CTNNA3: variants seen among roughly 807,000 people sequenced by gnomAD.
The protein encoded by CTNNA3 is catenin alpha 3.
A neutral mutation model predicts 95.7 loss-of-function variants in CTNNA3; 76 were observed. The observed-to-expected ratio is 0.79, with a 90% CI of 0.66 to 0.96. The LOEUF (loss-of-function observed/expected upper bound fraction) is 0.96. Among genes scored for constraint, CTNNA3 ranks in the 40% least tolerant of loss-of-function variants. The pLI, the probability that CTNNA3 is intolerant of heterozygous loss-of-function variation, is 0.00. For missense variants in CTNNA3, 1,191 were observed against 1,089.8 expected, an observed-to-expected ratio of 1.09 and a Z score of -1.31; for synonymous variants, 431 against 374.4, an observed-to-expected ratio of 1.15 and a Z score of -1.74.
intron 1 of CTNNA3, among the ~76,000 whole-genome samples, chr10:67,682,736 A>G (rs1420983024): frequency 6.6e-6 from 1 of 152,246 alleles, no homozygotes; most frequent in Non-Finnish European, 1.5e-5. Flanking sequence ...AACGTATTCT[A>G]AGGATACACT....
chr10:65,969,796 A>C (rs575046225), intron 16 of CTNNA3, among the ~76,000 whole-genome samples: 1 of 152,282 alleles, frequency 6.6e-6, no homozygotes, highest in African/African-American at 2.4e-5. Context: ...AAACCTAAAA[A>C]TTAGTGACAT....
At chr10:66,640,094 G>A (rs1290020702) in intron 9 of CTNNA3, among the ~76,000 whole-genome samples, 3 of 152,144 alleles carry the variant, frequency 2.0e-5, no homozygotes, top group Non-Finnish European at 2.9e-5. Context: ...AAATACAAAA[G>A]AGTAAATACA....
At chr10:66,780,026 T>C (rs1168603006) in intron 7 of CTNNA3, among the ~76,000 whole-genome samples, 2 of 151,964 alleles carry the variant, frequency 1.3e-5, no homozygotes, top group African/African-American at 2.4e-5. Flanking sequence ...ACAGGATATA[T>C]AAAAGTCAGC....
At chr10:66,976,545 A>G (rs149000779) in intron 7 of CTNNA3, among the ~76,000 whole-genome samples, 8 of 152,288 alleles carry the variant, frequency 5.3e-5, no homozygotes, top group Non-Finnish European at 1.0e-4. Flanking sequence ...TATAACTGTA[A>G]TGACATCATC....
rs1786233760 is a variant in CTNNA3 at position 66,692,366 on chromosome 10, T to C, written c.1282-70582A>G. On this transcript the variant is annotated intron_variant, in intron 9 of 17. Transcript: ENST00000433211. ...CAACTGGAAGAAAGGGTATCAGCAA[T>C]GGAAGATGAAATGAATGAAATGAAG... Among the ~76,000 whole-genome samples, 3 of 151,804 alleles carry C rather than the reference T, an allele frequency of 2.0e-5. No individual in the cohort carries two copies. In the South Asian group the frequency reaches 6.2e-4, roughly 32 times the overall value.
intron 10 of CTNNA3, among the ~76,000 whole-genome samples, chr10:66,538,717 A>G (rs181903296): frequency 3.9e-5 from 6 of 152,288 alleles, no homozygotes; most frequent in Non-Finnish European, 5.9e-5. Flanking sequence ...GATTTTAAGT[A>G]GTCTGTTGAT....
chr10:66,063,194 GTATATA>G (rs150710369), intron 15 of CTNNA3, among the ~76,000 whole-genome samples: 24,426 of 119,764 alleles, frequency 0.2, 2,319 homozygotes, highest in South Asian at 0.4. Context: ...CTGGATACAT[GTATATA>G]TATATATATA....
Position 67,631,627 on chromosome 10 carries a change from T to G in CTNNA3, c.99+15788A>C, listed in dbSNP as rs544355428. On this transcript the variant is annotated intron_variant, in intron 2 of 17. Coordinates refer to ENST00000433211, the MANE Select transcript of CTNNA3 (RefSeq NM_013266.4). ...TGAACTTAAAGACATGAACTTCTTT[T>G]GGAATGTTTTCCAGTGAAATCAGAG... Among the ~76,000 whole-genome samples, 20 of 152,344 alleles carry G rather than the reference T, an allele frequency of 1.3e-4. 1 individual carries two copies. The South Asian group carries it at 4.1e-3, about 32-fold the overall frequency.
At chr10:66,388,323 T>C (rs1399356218) in intron 11 of CTNNA3, among the ~76,000 whole-genome samples, 1 of 152,170 alleles carries the variant, frequency 6.6e-6, no homozygotes, top group African/African-American at 2.4e-5. Context: ...CTATGTAATT[T>C]CTCTTTAATT....
intron 11 of CTNNA3, among the ~76,000 whole-genome samples, chr10:66,495,991 C>T (rs1840086324): frequency 6.6e-6 from 1 of 152,098 alleles, no homozygotes; most frequent in Non-Finnish European, 1.5e-5. Context: ...TTTATAGAAA[C>T]TATTTCCACC....
intron 9 of CTNNA3, among the ~76,000 whole-genome samples, chr10:66,679,122 G>A (rs1182328078): frequency 6.6e-6 from 1 of 152,096 alleles, no homozygotes; most frequent in Non-Finnish European, 1.5e-5. Flanking sequence ...GGGTGGATCT[G>A]GTAGTGCCAA....
At chr10:66,099,812 G>A (rs2081546142) in intron 14 of CTNNA3, among the ~76,000 whole-genome samples, 1 of 151,916 alleles carries the variant, frequency 6.6e-6, no homozygotes, top group South Asian at 2.1e-4. Flanking sequence ...TATTGCTCTG[G>A]TGGTGGTCTA....
chr10:66,180,074 T>C (rs1270044617), intron 13 of CTNNA3, among the ~76,000 whole-genome samples: 1 of 152,180 alleles, frequency 6.6e-6, no homozygotes, highest in Non-Finnish European at 1.5e-5. Flanking sequence ...GGCGGCATAT[T>C]ATGGCTGTAT....
At chr10:67,230,700 T>C (rs1229129092) in intron 5 of CTNNA3, among the ~76,000 whole-genome samples, 1 of 152,188 alleles carries the variant, frequency 6.6e-6, no homozygotes, top group Non-Finnish European at 1.5e-5. Flanking sequence ...AACAGCTCGG[T>C]CTACAGCTCC....
At chr10:66,128,991 G>T (rs781171904) in intron 13 of CTNNA3, among the ~76,000 whole-genome samples, 5 of 152,044 alleles carry the variant, frequency 3.3e-5, no homozygotes, top group Non-Finnish European at 7.4e-5. Flanking sequence ...TTGGCTGGGC[G>T]CAGTGGCTCA....
chr10:66,141,249 A>G (rs913900913), intron 13 of CTNNA3, among the ~76,000 whole-genome samples: 1 of 151,754 alleles, frequency 6.6e-6, no homozygotes, highest in Non-Finnish European at 1.5e-5. Context: ...TAGAGTGAGA[A>G]GACTCTGTCT....
chr10:66,360,643 C>CTTTCTTCCTTCCTTCCTTCCT (rs1564896076), intron 12 of CTNNA3, among the ~76,000 whole-genome samples: 14 of 61,790 alleles, frequency 2.3e-4, no homozygotes, highest in Non-Finnish European at 2.2e-4. Context: ...TTCTTTCTTT[C>CTTTCTTCCTTCCTTCCTTCCT]TTTCTTTCTT....
intron 13 of CTNNA3, among the ~76,000 whole-genome samples, chr10:66,206,357 T>C (rs1034395662): frequency 2.0e-5 from 3 of 151,944 alleles, no homozygotes; most frequent in African/African-American, 7.2e-5. Flanking sequence ...AGCTATCTTG[T>C]AGAGATCATG....
intron 7 of CTNNA3, among the ~76,000 whole-genome samples, chr10:67,131,188 C>T (rs553191721): frequency 1.3e-5 from 2 of 152,122 alleles, no homozygotes; most frequent in Admixed American, 1.3e-4. Context: ...CTAGAATGCT[C>T]TAGGAAGCCT....
Sources: gnomAD v4.1 joint callset for allele counts (sites outside exome capture counted in the v4.1 genomes callset) on GRCh38, gnomAD v4.1.1 for gene constraint, MANE v1.5 for transcripts, NCBI Gene and HGNC (gene_info 2026-07-23, HGNC 2026-07-21) for gene names.